Variants in LDHD observed in about 807,000 individuals in gnomAD.
The protein encoded by LDHD is lactate dehydrogenase D.
In LDHD, 58 loss-of-function variants were observed where a neutral mutation model predicts 52.9. That is an observed-to-expected ratio of 1.10 (90% CI 0.89 to 1.36). The LOEUF (loss-of-function observed/expected upper bound fraction) is 1.36, where lower values mean the gene tolerates loss of function less well. Among genes scored for constraint, LDHD ranks in the 40% most tolerant of loss-of-function variants. The pLI, the probability that LDHD is intolerant of heterozygous loss-of-function variation, is 0.00. For missense variants in LDHD, 747 were observed against 668.0 expected, an observed-to-expected ratio of 1.12 and a Z score of -1.30; for synonymous variants, 350 against 288.6, an observed-to-expected ratio of 1.21 and a Z score of -2.16.
Position 75,114,961 on chromosome 16 carries a change from A to G in LDHD, c.335T>C (p.Val112Ala). The G allele has an allele frequency of 6.2e-7, 1 of 1,610,900 alleles. No homozygotes were observed. The highest frequency in any genetic ancestry group is 2.2e-5 in the East Asian group (1 of 44,868). Residue 112 changes from valine (V) to alanine (A), a missense_variant, in exon 4 of 11, where the codon GTC (valine) becomes GCC (alanine). By Grantham distance (64) the Val-to-Ala change is moderately conservative. Coordinates refer to ENST00000450168, the MANE Select transcript of LDHD (RefSeq NM_194436.3). ...EGGVCAVQGG[V>A]CVNLTHMDRI... ...GTCCATATGCGTCAGGTTAACGCAG[A>G]CGCCGCCCTGGTTGGGGCAGGTGCT...
In LDHD at chr16:75,113,793, G is replaced by T. The variant is rs751818760; in HGVS notation, c.907C>A (p.Leu303Met). 15 of 1,614,144 alleles carry T rather than the reference G, an allele frequency of 9.3e-6. 1 individual carries two copies. The South Asian group carries it at 1.3e-4, about 14-fold the overall frequency. Residue 303 changes from leucine (L) to methionine (M), a missense_variant, in exon 7 of 11, where the codon CTG becomes ATG. Physicochemically the swap from Leu to Met is conservative, Grantham distance 15. Transcript: ENST00000450168. ...LNCLVAPTLF[L>M]EFHGSQQALE... ...GCCTGCTGGGAGCCATGGAACTCCA[G>T]GAAGAGTGTGGGCGCCACTAAGCAA...
rs1467345845 is a variant in LDHD, at chr16:75,114,549, C to T, written c.606G>A (p.Thr202=). 6.5e-7 allele frequency: 1 copy of T among 1,529,594 alleles called. No individual in the cohort carries two copies. The highest frequency in any genetic ancestry group is 1.2e-5 in the South Asian group (1 of 83,722). 94.8% of individuals were successfully genotyped at this position (1,529,594 alleles called of 1,614,324 possible). A position where few individuals can be genotyped will look rare whatever the true frequency, so the allele number is the denominator to read the frequency against. ...ACCGGAAATGCCGGCCTCGGCCCGC[C>T]GTGTGCAGCAGCCGCCCGTCGGGCA... ...VVLPDGRLLH[T]AGRGRHFRKS... The change falls in exon 5 of 11, where the codon ACG becomes ACA. Residue 202 remains threonine, a synonymous_variant. Coordinates refer to ENST00000450168, the MANE Select transcript of LDHD (RefSeq NM_194436.3).
Position 75,114,600 on chromosome 16 carries a change from G to A in LDHD, c.555C>T (p.Asp185=), listed in dbSNP as rs113442171. 45 of 1,534,728 alleles carry A rather than the reference G, an allele frequency of 2.9e-5. No homozygotes were observed. The African/African-American group carries it at 3.6e-4, about 12-fold the overall frequency. The part of the protein sequence containing the change: ...TNAVRYGTMR[D]NVLNLEVVLP... ...GCACCACCTCCAGGTTGAGCACGTTGTCCCGCATGGTGCCGTAGCGGACCG... is the reference window on the plus strand; with the variant it reads ...GCACCACCTCCAGGTTGAGCACGTTATCCCGCATGGTGCCGTAGCGGACCG... The change falls in exon 5 of 11, where the codon GAC becomes GAT. Residue 185 remains aspartate (D), a synonymous_variant. Coordinates refer to ENST00000450168, the MANE Select transcript of LDHD (RefSeq NM_194436.3).
intron 8 of LDHD, 22 bp from the exon 9 acceptor site, chr16:75,112,946 A>G: frequency 6.3e-7 from 1 of 1,584,234 alleles, no homozygotes; most frequent in Non-Finnish European, 8.6e-7. Context: ...GAAGCCTATG[A>G]GTTACCCCTG....
At position 75,113,634 on chromosome 16, in the gene LDHD, A is replaced by G. The variant is rs776700443; in HGVS notation, c.987T>C (p.Ser329=). 2 of 1,613,192 alleles carry G rather than the reference A, an allele frequency of 1.2e-6. No individual in the cohort carries two copies. Among genetic ancestry groups the G allele is most frequent in the African/African-American group, 2.7e-5 (2 of 74,928 alleles). ...TEEIVQQNGA[S]DFSWAKEAEE... is the part of the protein sequence containing the mutation. ...CGGCCTCCTTGGCCCAGGAGAAGTC[A>G]GAGGCTCCGTTCTGCTGGACTATCT... Residue 329 remains serine (S), a synonymous_variant, in exon 8 of 11, where the codon TCT becomes TCC. Coordinates refer to ENST00000450168, the MANE Select transcript of LDHD (RefSeq NM_194436.3).
At position 75,115,610 on chromosome 16, in the gene LDHD, G is replaced by A; in HGVS notation, c.123C>T (p.Gly41=). The A allele has an allele frequency of 6.2e-7, 1 of 1,612,600 alleles. No individual in the cohort carries two copies. The highest frequency in any genetic ancestry group is 2.2e-5 in the East Asian group (1 of 44,856). ...FVEALKAVVG[G]SHVSTAAVVR... is the part of the protein sequence containing the mutation. ...CCACCGCGGCAGTGGACACGTGGGA[G>A]CCGCCCACCACGGCCTTCAGAGCCT... The change falls in exon 2 of 11, where the codon GGC becomes GGT. Residue 41 remains glycine (G), a synonymous_variant. Coordinates refer to ENST00000450168, the MANE Select transcript of LDHD (RefSeq NM_194436.3).
rs1268741882 is a variant in LDHD, at chr16:75,116,780, T to C, written c.-60A>G. 22 of 1,155,706 alleles carry C rather than the reference T, an allele frequency of 1.9e-5. No individual in the cohort carries two copies. The East Asian group carries it at 4.2e-4, about 22-fold the overall frequency. The allele number at this position is 1,155,706 out of a possible 1,614,324, so 71.6% of individuals were successfully genotyped here. A position where few individuals can be genotyped will look rare whatever the true frequency, so the allele number is the denominator to read the frequency against. On this transcript the variant is annotated 5_prime_UTR_variant, in exon 1 of 11. Transcript: ENST00000450168. ...TGGCAGGGTGACCAGTCAGCTACTG[T>C]GGCAGCAGCTACTGCTGCTGTCAGC...
In LDHD at chr16:75,114,169, C is replaced by T. The variant is rs375943140; in HGVS notation, c.630-4G>A. The T allele has an allele frequency of 1.0e-4, 165 of 1,612,076 alleles. 2 individuals carry two copies. The highest frequency in any genetic ancestry group is 9.6e-4 in the South Asian group (87 of 91,086). On this transcript the variant is annotated splice_polypyrimidine_tract_variant and splice_region_variant and intron_variant, in intron 5 of 10. Coordinates refer to ENST00000450168, the MANE Select transcript of LDHD (RefSeq NM_194436.3). Reference sequence around the variant, plus strand: ...GTTGTAGCCGGCTGCACTCTTCCTACGTCCCAGGGACACACAAGGTGAGTA... The same window carrying T: ...GTTGTAGCCGGCTGCACTCTTCCTATGTCCCAGGGACACACAAGGTGAGTA...
In LDHD at chr16:75,116,678, A is replaced by G; in HGVS notation, c.43T>C (p.Trp15Arg). 1 of 1,603,772 alleles carries G rather than the reference A, an allele frequency of 6.2e-7. No homozygotes were observed. Among genetic ancestry groups the G allele is most frequent in the Non-Finnish European group, 8.5e-7 (1 of 1,175,830 alleles). Residue 15 changes from tryptophan (W) to arginine (R), a missense_variant, in exon 1 of 11, where the codon TGG becomes CGG. By Grantham distance (101) the Trp-to-Arg change is moderately radical. Transcript: ENST00000450168. ...LRSATWELFP[W>R]RGYCSQKAKG... ...GCCTTCTGGGAGCAGTAGCCCCTCCAGGGGAACAGCTCCCAGGTTGCAGAC... is the reference window on the plus strand; with the variant it reads ...GCCTTCTGGGAGCAGTAGCCCCTCCGGGGGAACAGCTCCCAGGTTGCAGAC...
intron 1 of LDHD, among the ~76,000 whole-genome samples, chr16:75,115,886 A>G (rs1242711054): frequency 6.6e-6 from 1 of 151,998 alleles, no homozygotes; most frequent in Non-Finnish European, 1.5e-5. Flanking sequence ...TCCCCTCAGA[A>G]AAAAACGCCA....
At chr16:75,116,482 C>T (rs769334208) in intron 1 of LDHD, 167 bp downstream of exon 1, 1 of 582,622 alleles carries the variant, frequency 1.7e-6, no homozygotes, top group Admixed American at 3.6e-5. Flanking sequence ...GCTGATCTCA[C>T]TCTACACCCA....
At chr16:75,113,406 C>T (rs994785683) in intron 8 of LDHD, 129 bp downstream of exon 8, 8 of 1,148,844 alleles carry the variant, frequency 7.0e-6, no homozygotes, top group South Asian at 3.1e-5. Context: ...TTGTTTCTAG[C>T]GCCTGCTCAG....
intron 2 of LDHD, 24 bp from the exon 3 acceptor site, chr16:75,115,363 T>TA (rs770360054): frequency 6.2e-7 from 1 of 1,612,420 alleles, no homozygotes; most frequent in South Asian, 1.1e-5. Context: ...CTCAGCGATT[T>TA]AGCGGGGCGT....
In LDHD at chr16:75,115,561, C is replaced by A. The variant is rs761653585; in HGVS notation, c.172G>T (p.Glu58Ter). The A allele has an allele frequency of 1.2e-6, 2 of 1,613,030 alleles. No individual in the cohort carries two copies. The highest frequency in any genetic ancestry group is 4.5e-5 in the East Asian group (2 of 44,870). The change falls in exon 2 of 11, where the codon GAG (glutamate) becomes TAG (stop). Residue 58 changes from glutamate (E) to a stop codon, truncating the protein, a stop_gained. Coordinates refer to ENST00000450168, the MANE Select transcript of LDHD (RefSeq NM_194436.3). LOFTEE classifies it high-confidence loss of function. ...AVVREQHGRDESVHRCEPPDA... is the reference protein window; with the variant it reads ...AVVREQHGRD ...ACCCTCCCATACCTGTGCACCGACT[C>A]ATCGCGCCCGTGCTGCTCTCGGACC...
chr16:75,113,695 C>A, intron 7 of LDHD, 33 bp from the exon 8 acceptor site: 1 of 1,612,884 alleles, frequency 6.2e-7, no homozygotes, highest in Non-Finnish European at 8.5e-7. Context: ...GACACCGGGC[C>A]GCCACTGAGG....
At chr16:75,116,181 A>T (rs1453929983) in intron 1 of LDHD, among the ~76,000 whole-genome samples, 3 of 152,174 alleles carry the variant, frequency 2.0e-5, no homozygotes, top group Non-Finnish European at 4.4e-5. Context: ...CACCCCAGCC[A>T]CAGGGAACTC....
chr16:75,114,241 C>A (rs1467036790), intron 5 of LDHD, 76 bp from the exon 6 acceptor site: 1 of 1,586,430 alleles, frequency 6.3e-7, no homozygotes, highest in South Asian at 1.1e-5. Flanking sequence ...GAAGCTGGAA[C>A]CCAAGACACC....
At chr16:75,113,053 C>T (rs2036444924) in intron 8 of LDHD, 129 bp from the exon 9 acceptor site, 1 of 693,306 alleles carries the variant, frequency 1.4e-6, no homozygotes, top group Non-Finnish European at 2.5e-6. Context: ...AATAATCCTG[C>T]TCTTCTCTAG....
rs200396735 is a variant in LDHD at position 75,114,776 on chromosome 16, C to T, written c.469+51G>A. On this transcript the variant is annotated intron_variant, in intron 4 of 10. Coordinates refer to ENST00000450168, the MANE Select transcript of LDHD (RefSeq NM_194436.3). ...AAGGTCCCCTGAACCCCAGACACAG[C>T]CCTGCTCCCACGGTGCCCTCAGGGT... is the stretch of plus-strand genomic sequence containing the variant. 39 of 1,593,026 alleles carry T rather than the reference C, an allele frequency of 2.4e-5. 1 individual carries two copies. The Middle Eastern group carries it at 1.0e-3, about 41-fold the overall frequency.
Sources: allele counts gnomAD v4.1 joint callset (sites outside exome capture counted in the v4.1 genomes callset), GRCh38; gene constraint gnomAD v4.1.1; transcripts MANE v1.5; gene names NCBI Gene and HGNC (gene_info 2026-07-23, HGNC 2026-07-21).